PLXNC1: variants seen among roughly 807,000 people sequenced by gnomAD.
The protein encoded by PLXNC1 is plexin C1.
In PLXNC1, 75 loss-of-function variants were observed where a neutral mutation model predicts 178.2. That is an observed-to-expected ratio of 0.42 (90% CI 0.35 to 0.51). PLXNC1 has a LOEUF of 0.51. Ranked by LOEUF, PLXNC1 falls within the 20% of genes least tolerant of loss-of-function variation. The probability of loss-of-function intolerance (pLI) is 0.02; values close to 1 mark genes in which losing one functional copy is unlikely to be tolerated. For synonymous variants in PLXNC1, 790 were observed against 779.9 expected (o/e 1.01, Z -0.22); for missense variants, 1,503 against 1,984.4 (o/e 0.76, Z 4.61).
intron 8 of PLXNC1, 89 bp downstream of exon 8, chr12:94,226,796 G>A: frequency 1.1e-6 from 1 of 936,462 alleles, no homozygotes; most frequent in Non-Finnish European, 1.7e-6. Context: ...GGTCGAGGCG[G>A]GTGGATCAAT....
chr12:94,232,376 A>G (rs1964126375), intron 9 of PLXNC1, among the ~76,000 whole-genome samples: 1 of 152,212 alleles, frequency 6.6e-6, no homozygotes, highest in Non-Finnish European at 1.5e-5. Flanking sequence ...GGCATGAGCC[A>G]CCGCACCCGG....
At chr12:94,245,160 A>G in intron 12 of PLXNC1, among the ~76,000 whole-genome samples, 1 of 152,194 alleles carries the variant, frequency 6.6e-6, no homozygotes, top group Non-Finnish European at 1.5e-5. Flanking sequence ...CCTCATCTCC[A>G]TGGTGTGAAC....
intron 22 of PLXNC1, among the ~76,000 whole-genome samples, chr12:94,280,899 G>C (rs1190592614): frequency 1.3e-5 from 2 of 152,170 alleles, no homozygotes; most frequent in African/African-American, 4.8e-5. Context: ...GGGGGCCTGG[G>C]GACACAGCCT....
At chr12:94,241,573 C>T (rs142728084) in intron 11 of PLXNC1, among the ~76,000 whole-genome samples, 3 of 152,268 alleles carry the variant, frequency 2.0e-5, no homozygotes, top group Non-Finnish European at 4.4e-5. Context: ...TCCATTAGAC[C>T]AACTTTCTCA....
intron 14 of PLXNC1, among the ~76,000 whole-genome samples, chr12:94,249,073 T>G (rs984885806): frequency 1.3e-5 from 2 of 151,936 alleles, no homozygotes; most frequent in African/African-American, 4.8e-5. Context: ...CATAAATAAT[T>G]GGATAAAAGA....
intron 15 of PLXNC1, chr12:94,254,460 C>T (rs552512566): frequency 4.0e-6 from 2 of 494,018 alleles, no homozygotes; most frequent in Admixed American, 2.3e-5. Context: ...AGAAACTTGG[C>T]TTGTTTCATT....
At chr12:94,200,458 A>G (rs1963079628) in intron 4 of PLXNC1, among the ~76,000 whole-genome samples, 2 of 152,146 alleles carry the variant, frequency 1.3e-5, no homozygotes, top group South Asian at 2.1e-4. Context: ...AAACATTTTG[A>G]TGCTTTTATT....
At chr12:94,175,554 CA>C (rs1592733058) in intron 2 of PLXNC1, among the ~76,000 whole-genome samples, 2 of 152,074 alleles carry the variant, frequency 1.3e-5, no homozygotes, top group Non-Finnish European at 2.9e-5. Context: ...ACAAAAATCC[CA>C]AGGCTCGTTA....
chr12:94,171,285 G>C (rs764884051), intron 2 of PLXNC1, among the ~76,000 whole-genome samples: 1 of 152,156 alleles, frequency 6.6e-6, no homozygotes, highest in African/African-American at 2.4e-5. Context: ...ATCTGTATGG[G>C]GTACCCATTC....
At chr12:94,232,037 C>G (rs1201305168) in intron 9 of PLXNC1, among the ~76,000 whole-genome samples, 26 of 152,202 alleles carry the variant, frequency 1.7e-4, no homozygotes, top group Admixed American at 1.2e-3. Context: ...TGGCAATTTA[C>G]ATTCAAATGG....
At chr12:94,291,262 G>A (rs4761602) in intron 23 of PLXNC1, among the ~76,000 whole-genome samples, 31,734 of 152,208 alleles carry the variant, frequency 0.21, 3,865 homozygotes, top group Admixed American at 0.27. Flanking sequence ...TTGAGACAGG[G>A]TCTTGCTCTG....
chr12:94,266,322 T>G (rs1028877083), intron 21 of PLXNC1, among the ~76,000 whole-genome samples: 1 of 152,226 alleles, frequency 6.6e-6, no homozygotes, highest in African/African-American at 2.4e-5. Flanking sequence ...CATGCACAGC[T>G]GCCATCCGAG....
At chr12:94,262,574 G>C (rs749608571) in intron 20 of PLXNC1, 7 of 985,304 alleles carry the variant, frequency 7.1e-6, no homozygotes, top group Non-Finnish European at 8.4e-6. Context: ...GGGGCGGCTC[G>C]GCTCGCCAGG....
intron 2 of PLXNC1, among the ~76,000 whole-genome samples, chr12:94,175,445 A>G (rs1962015999): frequency 6.6e-6 from 1 of 152,188 alleles, no homozygotes; most frequent in Non-Finnish European, 1.5e-5. Flanking sequence ...TCACCATGAT[A>G]TCCTTCCTGT....
chr12:94,241,229 A>G (rs956607153), intron 11 of PLXNC1, among the ~76,000 whole-genome samples: 1 of 152,198 alleles, frequency 6.6e-6, no homozygotes, highest in Non-Finnish European at 1.5e-5. Flanking sequence ...TTTCATGGGT[A>G]CATAATACTT....
At chr12:94,269,392 AGTCT>A (rs1156533588) in intron 21 of PLXNC1, among the ~76,000 whole-genome samples, 1 of 152,218 alleles carries the variant, frequency 6.6e-6, no homozygotes, top group African/African-American at 2.4e-5. Flanking sequence ...AGCCTACCCC[AGTCT>A]GTCTCTTTCT....
intron 1 of PLXNC1, among the ~76,000 whole-genome samples, chr12:94,159,886 A>T (rs1361801722): frequency 6.6e-6 from 1 of 152,192 alleles, no homozygotes; most frequent in Non-Finnish European, 1.5e-5. Context: ...GATTTTGTTT[A>T]TTGCAATCAT....
At chr12:94,273,045 T>C (rs1965678722) in intron 21 of PLXNC1, among the ~76,000 whole-genome samples, 1 of 152,190 alleles carries the variant, frequency 6.6e-6, no homozygotes, top group South Asian at 2.1e-4. Context: ...TCCATGATTT[T>C]GGACATGCTT....
At chr12:94,201,965 A>G (rs892211701) in intron 4 of PLXNC1, among the ~76,000 whole-genome samples, 2 of 151,782 alleles carry the variant, frequency 1.3e-5, no homozygotes, top group East Asian at 3.9e-4. Context: ...ACAGGGTTTC[A>G]CCAGGTTGGC....
Sources: allele counts gnomAD v4.1 joint callset (sites outside exome capture counted in the v4.1 genomes callset), GRCh38; gene constraint gnomAD v4.1.1; transcripts MANE v1.5; gene names NCBI Gene and HGNC (gene_info 2026-07-23, HGNC 2026-07-21).